The following PRKACB variants were observed in gnomAD, a reference collection of about 807,000 sequenced individuals.
PRKACB encodes cAMP-dependent protein kinase catalytic subunit beta.
Under a neutral mutation model 51.4 loss-of-function variants are expected in PRKACB, and 16 were observed. That is an observed-to-expected ratio of 0.31 (90% CI 0.21 to 0.47). PRKACB has a LOEUF of 0.47. Ranked by LOEUF, PRKACB falls within the 20% of genes least tolerant of loss-of-function variation. The pLI, the probability that PRKACB is intolerant of heterozygous loss-of-function variation, is 1.00. For missense variants in PRKACB, 309 were observed against 464.5 expected (o/e 0.67, Z 3.08); for synonymous variants, 147 against 154.4 (o/e 0.95, Z 0.35).
rs191618585 is a variant in PRKACB, at chr1:84,150,146, C to T, written c.187+5598C>T. Among the ~76,000 whole-genome samples, 641 of 152,010 alleles carry T rather than the reference C, an allele frequency of 4.2e-3. 4 individuals carry two copies. The highest frequency in any genetic ancestry group is 0.015 in the African/African-American group (607 of 41,462). ...CAGGCTCCATCTACAGGTGTGGTGG[C>T]GCACACCTGTAATCCCAGCTACTTG... is the stretch of plus-strand genomic sequence containing the variant. On this transcript the variant is annotated intron_variant, in intron 1 of 9. Coordinates refer to ENST00000370685, the MANE Select transcript of PRKACB (RefSeq NM_182948.4).
intron 1 of PRKACB, among the ~76,000 whole-genome samples, chr1:84,137,273 A>G (rs1652924349): frequency 6.6e-6 from 1 of 152,226 alleles, no homozygotes; most frequent in Admixed American, 6.5e-5. Flanking sequence ...TTTTAAATAC[A>G]TATTACTAAG....
chr1:84,165,387 C>CA (rs1463958406), intron 1 of PRKACB, among the ~76,000 whole-genome samples: 1 of 151,682 alleles, frequency 6.6e-6, no homozygotes, highest in African/African-American at 2.4e-5. Flanking sequence ...TTAGCTTTGT[C>CA]ATTCCTAATG....
At chr1:84,134,474 A>G (rs1384760952) in intron 1 of PRKACB, among the ~76,000 whole-genome samples, 1 of 152,192 alleles carries the variant, frequency 6.6e-6, no homozygotes, top group Non-Finnish European at 1.5e-5. Context: ...GGAATACTCT[A>G]TTACAAAGTA....
chr1:84,106,407 A>C (rs771217701), intron 1 of PRKACB, among the ~76,000 whole-genome samples: 112 of 152,312 alleles, frequency 7.4e-4, no homozygotes, highest in Non-Finnish European at 1.3e-3. Flanking sequence ...ACTTCAACGA[A>C]GTTTCAGGAT....
chr1:84,197,580 T>G (rs1668560054), intron 6 of PRKACB, 149 bp from the exon 7 acceptor site: 2 of 531,228 alleles, frequency 3.8e-6, no homozygotes, highest in Non-Finnish European at 6.5e-6. Context: ...CACTAGATAT[T>G]CATGAATGAA....
At chr1:84,086,315 G>T in intron 1 of PRKACB, 1 of 848,520 alleles carries the variant, frequency 1.2e-6, no homozygotes, top group East Asian at 2.5e-5. Flanking sequence ...CCTCCTGTCT[G>T]GCCCCTGGGG....
At chr1:84,218,982 A>G (rs1337342781) in intron 9 of PRKACB, among the ~76,000 whole-genome samples, 4 of 152,002 alleles carry the variant, frequency 2.6e-5, no homozygotes, top group African/African-American at 9.7e-5. Context: ...TTTTAATTAG[A>G]TTGTTTATTT....
chr1:84,223,379 T>TG (rs1247993356), intron 9 of PRKACB, among the ~76,000 whole-genome samples: 1 of 5,390 alleles, frequency 1.9e-4, no homozygotes, highest in African/African-American at 3.1e-4. Context: ...TGTTTTTTTG[T>TG]TTTTTTTGAA....
chr1:84,175,101 TTTTA>T, intron 1 of PRKACB: 1 of 1,379,386 alleles, frequency 7.2e-7, no homozygotes. Context: ...CTTTAAAATT[TTTTA>T]TTTATTGTTT....
intron 1 of PRKACB, among the ~76,000 whole-genome samples, chr1:84,103,700 T>C (rs2100817324): frequency 6.6e-6 from 1 of 152,172 alleles, no homozygotes; most frequent in South Asian, 2.1e-4. Context: ...ACCCAGAAAA[T>C]TGTGAGCAAA....
At chr1:84,189,280 A>C (rs1185276551) in intron 5 of PRKACB, among the ~76,000 whole-genome samples, 1 of 151,910 alleles carries the variant, frequency 6.6e-6, no homozygotes. Context: ...GACTATCTTG[A>C]GCAGGGAAAT....
chr1:84,191,084 A>G (rs142193419), intron 5 of PRKACB, among the ~76,000 whole-genome samples: 1,703 of 152,180 alleles, frequency 0.011, 42 homozygotes, highest in African/African-American at 0.039. Context: ...ATTGCTTTGC[A>G]GACTTGATTG....
At chr1:84,086,627 G>GA (rs1648018289) in intron 1 of PRKACB, among the ~76,000 whole-genome samples, 1 of 152,140 alleles carries the variant, frequency 6.6e-6, no homozygotes, top group Non-Finnish European at 1.5e-5. Context: ...AAAAGAAAAA[G>GA]AAAAAAGAAG....
At chr1:84,102,956 G>A (rs527250548) in intron 1 of PRKACB, among the ~76,000 whole-genome samples, 5 of 152,128 alleles carry the variant, frequency 3.3e-5, no homozygotes, top group South Asian at 2.1e-4. Context: ...TCTCACCATC[G>A]TGTATTGGGC....
In PRKACB at chr1:84,173,767, T is replaced by C. The variant is rs368830140; in HGVS notation, c.188-5410T>C. On this transcript the variant is annotated intron_variant, in intron 1 of 9. Transcript: ENST00000370685. ...AGGTAAAAGAGGGAGATGAAACTAA[T>C]GACAAAGTAGAAGGAGCATGAATTA... 1.9e-4 allele frequency among the ~76,000 whole-genome samples: 29 copies of C among 151,980 alleles called. No individual in the cohort carries two copies. In the East Asian group the frequency reaches 4.3e-3, roughly 22 times the overall value.
chr1:84,184,488 ATCT>A (rs1664509981), intron 4 of PRKACB, among the ~76,000 whole-genome samples: 1 of 151,840 alleles, frequency 6.6e-6, no homozygotes, highest in Non-Finnish European at 1.5e-5. Flanking sequence ...CCACTATCTC[ATCT>A]TCTTTTACTT....
At chr1:84,097,319 T>TACCA (rs1179833401) in intron 1 of PRKACB, among the ~76,000 whole-genome samples, 2 of 147,782 alleles carry the variant, frequency 1.4e-5, no homozygotes, top group Non-Finnish European at 2.9e-5. Context: ...AGATAGTATC[T>TACCA]ACATTAGTAG....
intron 1 of PRKACB, among the ~76,000 whole-genome samples, chr1:84,108,497 T>C (rs1649966753): frequency 6.6e-6 from 1 of 151,856 alleles, no homozygotes; most frequent in African/African-American, 2.4e-5. Flanking sequence ...AAAATTAAAA[T>C]ACTAAAAAAA....
intron 9 of PRKACB, among the ~76,000 whole-genome samples, chr1:84,227,917 G>GA (rs1325940886): frequency 7.3e-5 from 11 of 150,180 alleles, no homozygotes; most frequent in Non-Finnish European, 1.6e-4. Flanking sequence ...AATGATCAAG[G>GA]AAAAAAAAAG....
Sources: gnomAD v4.1 joint callset for allele counts (sites outside exome capture counted in the v4.1 genomes callset) on GRCh38, gnomAD v4.1.1 for gene constraint, MANE v1.5 for transcripts, NCBI Gene and HGNC (gene_info 2026-07-23, HGNC 2026-07-21) for gene names.